Variants in TXNDC16 observed in about 807,000 individuals in gnomAD.
TXNDC16 encodes thioredoxin domain-containing protein 16.
In TXNDC16, 74 loss-of-function variants were observed where a neutral mutation model predicts 85.6. That is an observed-to-expected ratio of 0.86 (90% CI 0.72 to 1.05). The LOEUF (loss-of-function observed/expected upper bound fraction) is 1.05. Ranked by LOEUF, TXNDC16 falls within the 50% of genes least tolerant of loss-of-function variation. The pLI, the probability that TXNDC16 is intolerant of heterozygous loss-of-function variation, is 0.00. For synonymous variants in TXNDC16, 335 were observed against 326.5 expected (o/e 1.03, Z -0.28); for missense variants, 959 against 947.0 (o/e 1.01, Z -0.17).
chr14:52,542,246 G>GA, intron 4 of TXNDC16, 125 bp downstream of exon 4: 1 of 659,926 alleles, frequency 1.5e-6, no homozygotes, highest in Non-Finnish European at 2.5e-6. Context: ...TTATTCTTAT[G>GA]AAAAAAATAT....
intron 9 of TXNDC16, among the ~76,000 whole-genome samples, chr14:52,502,234 C>G (rs1306312927): frequency 6.6e-6 from 1 of 152,202 alleles, no homozygotes; most frequent in Non-Finnish European, 1.5e-5. Context: ...AATCCTATAT[C>G]CAAGTTCCCT....
intron 14 of TXNDC16, among the ~76,000 whole-genome samples, chr14:52,471,233 T>TA (rs1216154125): frequency 6.6e-6 from 1 of 152,230 alleles, no homozygotes; most frequent in Non-Finnish European, 1.5e-5. Context: ...GCCTATTGAT[T>TA]AATCAGCATG....
chr14:52,462,098 C>A (rs2035665424), intron 16 of TXNDC16, among the ~76,000 whole-genome samples: 1 of 152,236 alleles, frequency 6.6e-6, no homozygotes, highest in Non-Finnish European at 1.5e-5. Context: ...ATACATAACA[C>A]ATATAGACAT....
chr14:52,438,165 A>G (rs992342008), intron 20 of TXNDC16, among the ~76,000 whole-genome samples: 12 of 152,248 alleles, frequency 7.9e-5, no homozygotes, highest in Non-Finnish European at 1.5e-5. Flanking sequence ...CATCGTTGAA[A>G]TGACAGCAAT....
chr14:52,453,490 C>A (rs560338424), intron 18 of TXNDC16, among the ~76,000 whole-genome samples: 2 of 151,852 alleles, frequency 1.3e-5, no homozygotes, highest in Non-Finnish European at 2.9e-5. Context: ...AATACTATTC[C>A]GTCATAAAAA....
intron 6 of TXNDC16, among the ~76,000 whole-genome samples, chr14:52,532,368 C>T: frequency 6.6e-6 from 1 of 151,980 alleles, no homozygotes; most frequent in Admixed American, 6.6e-5. Context: ...TACAGCAAGA[C>T]CCCATCTCAA....
At chr14:52,443,494 C>A (rs2035211095) in intron 18 of TXNDC16, among the ~76,000 whole-genome samples, 1 of 152,174 alleles carries the variant, frequency 6.6e-6, no homozygotes, top group Non-Finnish European at 1.5e-5. Context: ...GATATTTGAG[C>A]TGGACCCTGG....
chr14:52,521,631 G>A (rs1594750783), intron 6 of TXNDC16, among the ~76,000 whole-genome samples: 1 of 152,116 alleles, frequency 6.6e-6, no homozygotes, highest in East Asian at 1.9e-4. Context: ...TGAAAGCACT[G>A]TCCTAAATTA....
At chr14:52,514,479 C>A (rs2037030909) in intron 8 of TXNDC16, among the ~76,000 whole-genome samples, 1 of 152,170 alleles carries the variant, frequency 6.6e-6, no homozygotes, top group African/African-American at 2.4e-5. Context: ...TGTTCAAAAA[C>A]TGTACCTAAA....
chr14:52,480,144 C>T (rs183048183), intron 14 of TXNDC16, among the ~76,000 whole-genome samples: 34 of 152,076 alleles, frequency 2.2e-4, no homozygotes, highest in African/African-American at 7.7e-4. Context: ...CATCTCTCAC[C>T]TTATACAAAA....
chr14:52,449,183 T>C (rs2035351370), intron 18 of TXNDC16, among the ~76,000 whole-genome samples: 1 of 151,704 alleles, frequency 6.6e-6, no homozygotes. Flanking sequence ...TAAGATCCCA[T>C]GATCAGTTGC....
At chr14:52,524,143 G>T (rs1336088360) in intron 6 of TXNDC16, among the ~76,000 whole-genome samples, 1 of 152,214 alleles carries the variant, frequency 6.6e-6, no homozygotes, top group East Asian at 1.9e-4. Flanking sequence ...AGAACAGCAT[G>T]GGCACAGTTC....
At position 52,450,532 on chromosome 14, in the gene TXNDC16, T is replaced by C. The variant is rs564060630; in HGVS notation, c.1842+4792A>G. On this transcript the variant is annotated intron_variant, in intron 18 of 20. Coordinates refer to ENST00000281741, the MANE Select transcript of TXNDC16 (RefSeq NM_020784.3). ...TAAACATTTAAAGAACTAATACCAA[T>C]TATCAGGGAAATACAAATCAAAACC... is the stretch of plus-strand genomic sequence containing the variant. 5.3e-5 allele frequency among the ~76,000 whole-genome samples: 8 copies of C among 149,952 alleles called. No homozygotes were observed. In the South Asian group the frequency reaches 1.7e-3, roughly 31 times the overall value.
rs747681141 is a variant in TXNDC16, at chr14:52,488,416, T to G, written c.1055A>C (p.His352Pro). The G allele has an allele frequency of 1.9e-6, 3 of 1,613,314 alleles. No homozygotes were observed. Among genetic ancestry groups the G allele is most frequent in the Non-Finnish European group, 2.5e-6 (3 of 1,179,460 alleles). Residue 352 changes from histidine to proline, a missense_variant, in exon 12 of 21, where the codon CAC (histidine) becomes CCC (proline). Transcript: ENST00000281741. ...LIISHVENNM[H>P]IEEIQEDEDN... ...TTCATCTTCTTGTATTTCCTCAATG[T>G]GCATATTATTTTCCACATGAGATAT...
chr14:52,459,916 A>G (rs917979834), intron 16 of TXNDC16, among the ~76,000 whole-genome samples: 2 of 152,190 alleles, frequency 1.3e-5, no homozygotes, highest in African/African-American at 4.8e-5. Flanking sequence ...ACACCTCAAT[A>G]AGAGCCATCT....
chr14:52,482,002 C>T (rs1444561009), intron 14 of TXNDC16, among the ~76,000 whole-genome samples: 12 of 152,052 alleles, frequency 7.9e-5, no homozygotes. Flanking sequence ...GCCACAAGTA[C>T]TAAATACATA....
intron 7 of TXNDC16, among the ~76,000 whole-genome samples, chr14:52,515,593 A>G (rs2037062177): frequency 1.3e-5 from 2 of 151,588 alleles, no homozygotes. Flanking sequence ...TGCATTTCCA[A>G]TTCCCAAGGG....
At chr14:52,549,059 A>C (rs1204788373) in intron 1 of TXNDC16, among the ~76,000 whole-genome samples, 1 of 152,226 alleles carries the variant, frequency 6.6e-6, no homozygotes, top group African/African-American at 2.4e-5. Context: ...AAAGATGCCA[A>C]TACTAAAAGA....
intron 6 of TXNDC16, among the ~76,000 whole-genome samples, chr14:52,535,133 G>C (rs1461099119): frequency 6.6e-6 from 1 of 152,078 alleles, no homozygotes; most frequent in Admixed American, 6.5e-5. Flanking sequence ...CCCCATTTCT[G>C]GGTCAAAGAT....
Sources: allele counts gnomAD v4.1 joint callset (sites outside exome capture counted in the v4.1 genomes callset), GRCh38; gene constraint gnomAD v4.1.1; transcripts MANE v1.5; gene names NCBI Gene and HGNC (gene_info 2026-07-23, HGNC 2026-07-21).